GRM1: variants seen among roughly 807,000 people sequenced by gnomAD.
GRM1 encodes the protein glutamate metabotropic receptor 1, also known as metabotropic glutamate receptor 1.
GRM1 carries 33 observed loss-of-function variants against 90.9 expected under a neutral mutation model. That is an observed-to-expected ratio of 0.36 (90% CI 0.28 to 0.49). GRM1 has a LOEUF of 0.49. Among genes scored for constraint, GRM1 ranks in the 20% least tolerant of loss-of-function variants. The pLI is 0.99. For synonymous variants in GRM1, 700 were observed against 613.2 expected, an observed-to-expected ratio of 1.14 and a Z score of -2.09; for missense variants, 1,190 against 1,534.3, an observed-to-expected ratio of 0.78 and a Z score of 3.75.
intron 2 of GRM1, among the ~76,000 whole-genome samples, chr6:146,278,839 A>T (rs1782465926): frequency 1.3e-5 from 2 of 152,032 alleles, no homozygotes; most frequent in Non-Finnish European, 2.9e-5. Context: ...ATCAACAGAG[A>T]AGTTATATAG....
At chr6:146,041,205 G>A (rs1318519616) in intron 1 of GRM1, among the ~76,000 whole-genome samples, 1 of 151,810 alleles carries the variant, frequency 6.6e-6, no homozygotes, top group Non-Finnish European at 1.5e-5. Context: ...TCTTATTTCG[G>A]ATTATTGACC....
intron 7 of GRM1, among the ~76,000 whole-genome samples, chr6:146,406,410 T>C (rs1465733926): frequency 1.3e-5 from 2 of 152,176 alleles, no homozygotes. Flanking sequence ...TCTGGACTTA[T>C]AAACATTGAC....
intron 2 of GRM1, among the ~76,000 whole-genome samples, chr6:146,269,984 AAT>A (rs1283704089): frequency 6.6e-6 from 1 of 152,040 alleles, no homozygotes; most frequent in Non-Finnish European, 1.5e-5. Context: ...AAAAACAAGA[AAT>A]GGGGGGATCA....
At chr6:146,388,677 A>T (rs935479639) in intron 6 of GRM1, among the ~76,000 whole-genome samples, 7 of 152,060 alleles carry the variant, frequency 4.6e-5, no homozygotes, top group Non-Finnish European at 1.0e-4. Context: ...TTTCATGCCT[A>T]AAAATTACCC....
intron 2 of GRM1, among the ~76,000 whole-genome samples, chr6:146,235,211 C>T (rs1175474439): frequency 2.0e-5 from 3 of 152,016 alleles, no homozygotes; most frequent in Non-Finnish European, 2.9e-5. Context: ...TCTCACTTGA[C>T]CATTTTTTTG....
intron 1 of GRM1, among the ~76,000 whole-genome samples, chr6:146,132,786 C>T (rs932042104): frequency 6.6e-6 from 1 of 151,932 alleles, no homozygotes; most frequent in African/African-American, 2.4e-5. Flanking sequence ...CTCTGGTCTG[C>T]ACTTCAGCAC....
intron 1 of GRM1, among the ~76,000 whole-genome samples, chr6:146,087,474 G>A (rs1002206961): frequency 4.6e-5 from 7 of 152,082 alleles, no homozygotes; most frequent in Admixed American, 1.3e-4. Flanking sequence ...GCGCATGTGT[G>A]TAGCTTTGTA....
At chr6:146,124,285 T>A (rs1262344496) in intron 1 of GRM1, among the ~76,000 whole-genome samples, 3 of 152,198 alleles carry the variant, frequency 2.0e-5, no homozygotes, top group African/African-American at 7.2e-5. Context: ...CTTAAACTAC[T>A]AAGTTTTATG....
At chr6:146,203,715 T>A (rs1252117156) in intron 2 of GRM1, among the ~76,000 whole-genome samples, 1 of 152,232 alleles carries the variant, frequency 6.6e-6, no homozygotes, top group Non-Finnish European at 1.5e-5. Context: ...GGAATCTTAC[T>A]TAACCATTGT....
chr6:146,418,524 G>C (rs189716452), intron 7 of GRM1, among the ~76,000 whole-genome samples: 1 of 151,270 alleles, frequency 6.6e-6, no homozygotes, highest in East Asian at 1.9e-4. Context: ...TAACACACAC[G>C]TATACATACA....
intron 1 of GRM1, among the ~76,000 whole-genome samples, chr6:146,151,580 A>G (rs1336204278): frequency 1.3e-5 from 2 of 152,192 alleles, no homozygotes; most frequent in Non-Finnish European, 2.9e-5. Flanking sequence ...ATGCAACACA[A>G]TCTGTTTCAT....
chr6:146,166,578 G>A (rs1388091514), intron 2 of GRM1, among the ~76,000 whole-genome samples: 1 of 152,120 alleles, frequency 6.6e-6, no homozygotes, highest in African/African-American at 2.4e-5. Flanking sequence ...CTGTGTTGGT[G>A]TCTTCTCCTG....
intron 1 of GRM1, among the ~76,000 whole-genome samples, chr6:146,061,261 A>G (rs1775656766): frequency 6.6e-6 from 1 of 152,180 alleles, no homozygotes; most frequent in Non-Finnish European, 1.5e-5. Context: ...TACTGCAAGA[A>G]TAACCCAAAT....
rs1778626259 is a variant in GRM1, at chr6:146,437,375, T to G, written c.*2579T>G. 6.6e-6 allele frequency: 1 copy of G among 152,626 alleles called. No individual in the cohort carries two copies. The highest frequency in any genetic ancestry group is 2.1e-4 in the South Asian group (1 of 4,832). 9.5% of individuals were successfully genotyped at this position (152,626 alleles called of 1,614,324 possible). A position where few individuals can be genotyped will look rare whatever the true frequency, so the allele number is the denominator to read the frequency against. On this transcript the variant is annotated 3_prime_UTR_variant, in exon 8 of 8. Transcript: ENST00000282753. ...TGAATGCCTACTATTATCCTGATTA[T>G]GGGGTCTCCTGAATAAATAGAGTAT...
intron 2 of GRM1, among the ~76,000 whole-genome samples, chr6:146,269,269 T>A (rs147863531): frequency 2.4e-4 from 36 of 152,340 alleles, no homozygotes; most frequent in African/African-American, 5.5e-4. Flanking sequence ...CCAGATTTCA[T>A]GTTATACTTG....
At chr6:146,037,303 G>T (rs1463861505) in intron 1 of GRM1, among the ~76,000 whole-genome samples, 1 of 151,888 alleles carries the variant, frequency 6.6e-6, no homozygotes, top group Non-Finnish European at 1.5e-5. Context: ...TGAAATTCAT[G>T]ATTAAGATAA....
chr6:146,414,598 T>C (rs1777704840), intron 7 of GRM1, among the ~76,000 whole-genome samples: 1 of 152,092 alleles, frequency 6.6e-6, no homozygotes, highest in African/African-American at 2.4e-5. Flanking sequence ...GAGACGGGGT[T>C]TCACCCTGTT....
intron 2 of GRM1, among the ~76,000 whole-genome samples, chr6:146,178,158 TTA>T (rs1291796762): frequency 1.3e-5 from 2 of 152,214 alleles, no homozygotes; most frequent in African/African-American, 4.8e-5. Context: ...TCATGTCTCC[TTA>T]GACTCCTTTT....
At chr6:146,371,347 A>C (rs934726736) in intron 5 of GRM1, among the ~76,000 whole-genome samples, 3 of 152,038 alleles carry the variant, frequency 2.0e-5, no homozygotes, top group African/African-American at 7.2e-5. Context: ...TTATGGGTAC[A>C]TAGTAGGTAT....
Sources: allele counts gnomAD v4.1 joint callset (sites outside exome capture counted in the v4.1 genomes callset), GRCh38; gene constraint gnomAD v4.1.1; transcripts MANE v1.5; gene names NCBI Gene and HGNC (gene_info 2026-07-23, HGNC 2026-07-21).